The following KCNC1 variants were observed in gnomAD, a reference collection of about 807,000 sequenced individuals.
The protein encoded by KCNC1 is potassium voltage-gated channel subfamily C member 1, also known as voltage-gated potassium channel KCNC1.
Under a neutral mutation model 43.4 loss-of-function variants are expected in KCNC1, and 8 were observed. The ratio of observed to expected loss-of-function variants is 0.18; its 90% CI spans 0.11 to 0.33. KCNC1 has a LOEUF of 0.33. KCNC1 is among the 10% of genes least tolerant of loss of function. The pLI is 1.00. For synonymous variants in KCNC1, 361 were observed against 360.5 expected (o/e 1.00, Z -0.01); for missense variants, 420 against 836.0 (o/e 0.50, Z 6.14).
intron 1 of KCNC1, among the ~76,000 whole-genome samples, chr11:17,760,821 C>G (rs1238022571): frequency 1.3e-5 from 2 of 152,220 alleles, no homozygotes; most frequent in African/African-American, 4.8e-5. Context: ...ATGGCAGCTC[C>G]TCATCTAGAG....
chr11:17,767,889 A>G (rs1849172366), intron 1 of KCNC1, among the ~76,000 whole-genome samples: 1 of 152,218 alleles, frequency 6.6e-6, no homozygotes, highest in Non-Finnish European at 1.5e-5. Flanking sequence ...AGAGGAAAGA[A>G]TCTAGACAGG....
chr11:17,761,536 T>G (rs946519062), intron 1 of KCNC1, among the ~76,000 whole-genome samples: 1 of 152,178 alleles, frequency 6.6e-6, no homozygotes, highest in Non-Finnish European at 1.5e-5. Flanking sequence ...GTGTGTTATT[T>G]TAAGAATGAT....
At chr11:17,767,940 A>C (rs992061709) in intron 1 of KCNC1, among the ~76,000 whole-genome samples, 1 of 152,172 alleles carries the variant, frequency 6.6e-6, no homozygotes, top group African/African-American at 2.4e-5. Context: ...TTTTACCATA[A>C]TCTTATAAGG....
rs145135458 is a variant in KCNC1, at chr11:17,774,315, C to A, written c.1504+1717C>A. ...GGCCCCAGCTTCCATGTGGGCCTGG[C>A]AAGAAGAGCTCAGCCTGAGTGGCAT... On this transcript the variant is annotated intron_variant, in intron 2 of 3. Coordinates refer to ENST00000265969, the MANE Select transcript of KCNC1 (RefSeq NM_001112741.2). 1.3e-4 allele frequency: 125 copies of A among 985,506 alleles called. No homozygotes were observed. In the African/African-American group the frequency reaches 2.0e-3, roughly 16 times the overall value. The allele number at this position is 985,506 out of a possible 1,614,324, so 61.0% of individuals were successfully genotyped here.
chr11:17,763,546 CCCCCACACCA>C (rs1849102256), intron 1 of KCNC1, among the ~76,000 whole-genome samples: 1 of 147,538 alleles, frequency 6.8e-6, no homozygotes. Flanking sequence ...CACACACAGA[CCCCCACACCA>C]CCCCACACAT....
Position 17,773,285 on chromosome 11 carries a change from G to T in KCNC1, c.1504+687G>T. The T allele has an allele frequency of 1.0e-6, 1 of 985,404 alleles. No homozygotes were observed. The highest frequency in any genetic ancestry group is 1.2e-6 in the Non-Finnish European group (1 of 829,952). The allele number at this position is 985,404 out of a possible 1,614,324, so 61.0% of individuals were successfully genotyped here. A position where few individuals can be genotyped will look rare whatever the true frequency, so the allele number is the denominator to read the frequency against. On this transcript the variant is annotated intron_variant, in intron 2 of 3. Transcript: ENST00000265969. The surrounding 1 kb of genome is among the most constrained non-coding windows in gnomAD (Gnocchi z 4.1). ...TCTTCTACCACCACTCTAGAGTTTA[G>T]CCTTTATCTTTAGGAACCTGTTGAA...
chr11:17,779,088 T>C lies in KCNC1; in HGVS notation c.1505-368T>C, dbSNP rs1004444967. 3.2e-4 allele frequency: 57 copies of C among 180,024 alleles called. No individual in the cohort carries two copies. Among genetic ancestry groups the C allele is most frequent in the Admixed American group, 5.9e-5 (1 of 16,894 alleles). 11.2% of individuals were successfully genotyped at this position (180,024 alleles called of 1,614,324 possible). A position where few individuals can be genotyped will look rare whatever the true frequency, so the allele number is the denominator to read the frequency against. On this transcript the variant is annotated intron_variant, in intron 2 of 3. Coordinates refer to ENST00000265969, the MANE Select transcript of KCNC1 (RefSeq NM_001112741.2). This position sits in a 1 kb window ranked among gnomAD's most constrained non-coding sequence, Gnocchi z 7.2. ...GTGTCTGTCTGTCTTCTCCCTGAGCTCTGTGTCTGGCTCTCCCCCATGACT... is the reference window on the plus strand; with the variant it reads ...GTGTCTGTCTGTCTTCTCCCTGAGCCCTGTGTCTGGCTCTCCCCCATGACT...
intron 1 of KCNC1, among the ~76,000 whole-genome samples, chr11:17,769,057 G>T (rs1040834551): frequency 5.3e-5 from 8 of 152,202 alleles, no homozygotes; most frequent in African/African-American, 1.2e-4. Flanking sequence ...GGTCTTTCTG[G>T]ATCTGGGAGC....
Position 17,736,360 on chromosome 11 carries a change from G to A in KCNC1, c.358G>A (p.Asp120Asn), listed in dbSNP as rs1445648438. The change falls in exon 1 of 4, where the codon GAC (aspartate) becomes AAC (asparagine). Residue 120 changes from aspartate to asparagine, a missense_variant. Physicochemically the swap from Asp to Asn is conservative, Grantham distance 23 (BLOSUM62 1). Transcript: ENST00000265969. This position sits in a 1 kb window ranked among gnomAD's most constrained non-coding sequence, Gnocchi z 9.3. Reference protein sequence around the residue: ...RQHRDAEEALDSFGGAPLDNS... With the variant: ...RQHRDAEEALNSFGGAPLDNS... ...GCACCGCGACGCCGAGGAGGCTCTG[G>A]ACAGCTTCGGCGGCGCTCCTCTGGA... 1 of 1,612,596 alleles carries A rather than the reference G, an allele frequency of 6.2e-7. No individual in the cohort carries two copies. Among genetic ancestry groups the A allele is most frequent in the Admixed American group, 1.7e-5 (1 of 59,946 alleles).
In KCNC1 at chr11:17,742,136, A is replaced by G. The variant is rs1848850078; in HGVS notation, c.570+5564A>G. 6.6e-6 allele frequency among the ~76,000 whole-genome samples: 1 copy of G among 152,120 alleles called. No homozygotes were observed. Among genetic ancestry groups the G allele is most frequent in the Non-Finnish European group, 1.5e-5 (1 of 68,026 alleles). ...AGTGCTCTACCTGAGGCCCCTCGTGAGCGGGTTAGCTGAGGGCTGGCTGGG... is the reference window on the plus strand; with the variant it reads ...AGTGCTCTACCTGAGGCCCCTCGTGGGCGGGTTAGCTGAGGGCTGGCTGGG... On this transcript the variant is annotated intron_variant, in intron 1 of 3. Coordinates refer to ENST00000265969, the MANE Select transcript of KCNC1 (RefSeq NM_001112741.2). The surrounding 1 kb of genome is among the most constrained non-coding windows in gnomAD (Gnocchi z 4.2).
intron 1 of KCNC1, among the ~76,000 whole-genome samples, chr11:17,764,283 ACACACT>A (rs1849122521): frequency 7.7e-6 from 1 of 129,306 alleles, no homozygotes; most frequent in South Asian, 2.3e-4. Context: ...AGTTCCATAC[ACACACT>A]CACACACACC....
Position 17,772,520 on chromosome 11 carries a change from G to A in KCNC1, c.1426G>A (p.Val476Ile), listed in dbSNP as rs146311746. 8.1e-5 allele frequency: 131 copies of A among 1,614,028 alleles called. 1 individual carries two copies. The Middle Eastern group carries it at 8.2e-4, about 10-fold the overall frequency. ...LGSPNYCKSV[V>I]NSPHHSTQSD... ...ATCTCCCAATTATTGTAAATCTGTC[G>A]TAAACTCTCCACACCACAGTACTCA... The change falls in exon 2 of 4, where the codon GTA (valine) becomes ATA (isoleucine). Residue 476 changes from valine (V) to isoleucine (I), a missense_variant. Val to Ile is a conservative substitution (Grantham distance 29). Transcript: ENST00000265969.
rs1044982783 is a variant in KCNC1 at position 17,779,535 on chromosome 11, C to G, written c.1584C>G (p.Pro528=). ...CCCACATAGACCAGGCCCTCACTCCCGATGAGGGCCTGCCCTTTACGCGCT... is the reference window on the plus strand; with the variant it reads ...CCCACATAGACCAGGCCCTCACTCCGGATGAGGGCCTGCCCTTTACGCGCT... ...DCPHIDQALT[P]DEGLPFTRSG... The change falls in exon 3 of 4, where the codon CCC becomes CCG. Residue 528 remains proline, a synonymous_variant. Transcript: ENST00000265969. This position sits in a 1 kb window ranked among gnomAD's most constrained non-coding sequence, Gnocchi z 7.2. 5.8e-6 allele frequency: 9 copies of G among 1,551,202 alleles called. No individual in the cohort carries two copies. Among genetic ancestry groups the G allele is most frequent in the African/African-American group, 1.4e-5 (1 of 73,052 alleles).
rs1849327127 is a variant in KCNC1, at chr11:17,779,815, C to T, written c.1693+171C>T. The T allele has an allele frequency of 2.1e-6, 1 of 485,238 alleles. No homozygotes were observed. The highest frequency in any genetic ancestry group is 3.5e-5 in the East Asian group (1 of 28,916). 30.1% of individuals were successfully genotyped at this position (485,238 alleles called of 1,614,324 possible). A position where few individuals can be genotyped will look rare whatever the true frequency, so the allele number is the denominator to read the frequency against. On this transcript the variant is annotated intron_variant, in intron 3 of 3. Transcript: ENST00000265969. This position sits in a 1 kb window ranked among gnomAD's most constrained non-coding sequence, Gnocchi z 7.2. ...CCCCTGGAGGGCTGAGGCCCTTCCC[C>T]CCAAGTGAGATGTCAGGCTGGCAGA...
chr11:17,779,843 GA>G lies in KCNC1; in HGVS notation c.1693+201del, dbSNP rs971423405. The G allele has an allele frequency of 6.8e-6, 3 of 442,974 alleles. No individual in the cohort carries two copies. Among genetic ancestry groups the G allele is most frequent in the Non-Finnish European group, 1.2e-5 (3 of 254,190 alleles). The allele number at this position is 442,974 out of a possible 1,614,324, so 27.4% of individuals were successfully genotyped here. Reference sequence around the variant, plus strand: ...AAGTGAGATGTCAGGCTGGCAGAGAGAACTTGAGGCCCTGGCAGCTGTGGGT... The same window carrying G: ...AAGTGAGATGTCAGGCTGGCAGAGAGACTTGAGGCCCTGGCAGCTGTGGGT... On this transcript the variant is annotated intron_variant, in intron 3 of 3. Transcript: ENST00000265969. The surrounding 1 kb of genome is among the most constrained non-coding windows in gnomAD (Gnocchi z 7.2).
rs1020678979 is a variant in KCNC1, at chr11:17,781,005, TAGA to T, written c.1694-663_1694-661del. The T allele has an allele frequency of 5.3e-5, 8 of 152,226 alleles. No homozygotes were observed. The highest frequency in any genetic ancestry group is 8.8e-5 in the Non-Finnish European group (6 of 68,056). The allele number at this position is 152,226 out of a possible 1,614,324, so 9.4% of individuals were successfully genotyped here. On this transcript the variant is annotated intron_variant, in intron 3 of 3. Transcript: ENST00000265969. The surrounding 1 kb of genome is among the most constrained non-coding windows in gnomAD (Gnocchi z 5.1). ...CTGGCTTTTTCCCAGTTGGAGGTGC[TAGA>T]ATGCCCAGAAGCAGAATGCCCGAGG... is the stretch of plus-strand genomic sequence containing the variant.
chr11:17,740,879 C>T (rs986554473), intron 1 of KCNC1, among the ~76,000 whole-genome samples: 3 of 152,194 alleles, frequency 2.0e-5, no homozygotes, highest in South Asian at 2.1e-4. Flanking sequence ...TACCTGGTGG[C>T]GGGAAATAAA....
intron 1 of KCNC1, among the ~76,000 whole-genome samples, chr11:17,767,714 C>T (rs904817682): frequency 1.3e-5 from 2 of 152,200 alleles, no homozygotes; most frequent in Non-Finnish European, 2.9e-5. Flanking sequence ...AAGATCAGGC[C>T]TCACAGTAGC....
intron 1 of KCNC1, among the ~76,000 whole-genome samples, chr11:17,762,439 A>T (rs991886830): frequency 5.3e-5 from 8 of 152,258 alleles, no homozygotes; most frequent in Middle Eastern, 3.4e-3. Context: ...CTCTCTGTGT[A>T]TTATTTCAAC....
Sources: allele counts gnomAD v4.1 joint callset (sites outside exome capture counted in the v4.1 genomes callset), GRCh38; gene constraint gnomAD v4.1.1; non-coding constraint Gnocchi (gnomAD v3.1); transcripts MANE v1.5; gene names NCBI Gene and HGNC (gene_info 2026-07-23, HGNC 2026-07-21).